PACRG: variants seen among roughly 807,000 people sequenced by gnomAD.
PACRG encodes the protein parkin coregulated gene protein.
A neutral mutation model predicts 29.7 loss-of-function variants in PACRG; 29 were observed. The ratio of observed to expected loss-of-function variants is 0.98; its 90% confidence interval spans 0.73 to 1.33. The LOEUF (loss-of-function observed/expected upper bound fraction) is 1.33. Among genes scored for constraint, PACRG ranks in the 40% most tolerant of loss-of-function variants. The pLI, the probability that PACRG is intolerant of heterozygous loss-of-function variation, is 0.00. For missense variants in PACRG, 279 were observed against 316.2 expected, an observed-to-expected ratio of 0.88 and a Z score of 0.89; for synonymous variants, 116 against 118.7, an observed-to-expected ratio of 0.98 and a Z score of 0.15.
At chr6:163,187,370 C>T (rs1219956167) in intron 4 of PACRG, among the ~76,000 whole-genome samples, 2 of 152,154 alleles carry the variant, frequency 1.3e-5, no homozygotes, top group African/African-American at 4.8e-5. Context: ...CTGTGAAAGG[C>T]TTCTGTGCTC....
chr6:162,811,293 T>C (rs918940935), intron 1 of PACRG, among the ~76,000 whole-genome samples: 1 of 151,984 alleles, frequency 6.6e-6, no homozygotes, highest in Non-Finnish European at 1.5e-5. Context: ...ATATCAGAAA[T>C]GAAGAATGGA....
intron 2 of PACRG, among the ~76,000 whole-genome samples, chr6:162,958,884 TAGAGAGAGAGAGAGAGAGAGAGAG>T (rs200270873): frequency 6.2e-3 from 132 of 21,162 alleles, no homozygotes; most frequent in African/African-American, 0.018. Context: ...TATATATATA[TAGAGAGAGAGAGAGAGAGAGAGAG>T]AGAGAGAGAG....
intron 2 of PACRG, among the ~76,000 whole-genome samples, chr6:162,845,250 C>G (rs899838268): frequency 1.3e-5 from 2 of 152,180 alleles, no homozygotes; most frequent in African/African-American, 2.4e-5. Context: ...CAAAACCCCA[C>G]TGACCCCATT....
intron 4 of PACRG, among the ~76,000 whole-genome samples, chr6:163,247,333 G>T (rs955609328): frequency 1.3e-5 from 2 of 152,134 alleles, no homozygotes; most frequent in Non-Finnish European, 2.9e-5. Context: ...CGCTCCTTAT[G>T]CTCCTTCTGT....
intron 2 of PACRG, among the ~76,000 whole-genome samples, chr6:162,893,145 C>A (rs1794912912): frequency 6.6e-6 from 1 of 152,150 alleles, no homozygotes; most frequent in African/African-American, 2.4e-5. Context: ...TGGTGTCTGT[C>A]TTCCTTGTGA....
chr6:163,044,231 C>T (rs1284985750), intron 2 of PACRG, among the ~76,000 whole-genome samples: 14 of 150,574 alleles, frequency 9.3e-5, no homozygotes, highest in African/African-American at 2.7e-4. Flanking sequence ...TGCAGTGGCA[C>T]GATCACGGTT....
chr6:163,194,485 A>G (rs1354135484), intron 4 of PACRG, among the ~76,000 whole-genome samples: 4 of 152,098 alleles, frequency 2.6e-5, no homozygotes, highest in Admixed American at 2.6e-4. Context: ...CGGCGCCTCC[A>G]GGCTGGTGGT....
At chr6:163,297,757 G>A (rs190596167) in intron 4 of PACRG, among the ~76,000 whole-genome samples, 25 of 152,216 alleles carry the variant, frequency 1.6e-4, no homozygotes, top group Admixed American at 3.3e-4. Flanking sequence ...AAACCTGAGC[G>A]CTGCACCCAG....
chr6:163,262,866 A>AC (rs113163742), intron 4 of PACRG, among the ~76,000 whole-genome samples: 3,376 of 116,480 alleles, frequency 0.029, 48 homozygotes, highest in Non-Finnish European at 0.039. Context: ...ACATAGTGAG[A>AC]CCCCCCCCCC....
chr6:163,166,650 A>C (rs1377397734), intron 4 of PACRG, among the ~76,000 whole-genome samples: 1 of 152,232 alleles, frequency 6.6e-6, no homozygotes, highest in Non-Finnish European at 1.5e-5. Flanking sequence ...AAATGTATTT[A>C]TTTCAGCCAT....
intron 4 of PACRG, among the ~76,000 whole-genome samples, chr6:163,246,953 A>G (rs1435221791): frequency 2.6e-5 from 4 of 152,248 alleles, no homozygotes; most frequent in Non-Finnish European, 5.9e-5. Flanking sequence ...GTCACACAGT[A>G]CAGGGCAATG....
intron 2 of PACRG, among the ~76,000 whole-genome samples, chr6:162,816,453 C>T (rs911012734): frequency 5.9e-5 from 9 of 152,178 alleles, no homozygotes; most frequent in Middle Eastern, 3.4e-3. Flanking sequence ...CCTGGGTTCA[C>T]GCCATTCTCC....
chr6:163,017,979 C>T (rs988682605), intron 2 of PACRG, among the ~76,000 whole-genome samples: 1 of 152,060 alleles, frequency 6.6e-6, no homozygotes, highest in African/African-American at 2.4e-5. Flanking sequence ...CATCCATTTA[C>T]TCCAGTCAAA....
chr6:163,080,177 C>T (rs929420348), intron 3 of PACRG, among the ~76,000 whole-genome samples: 1 of 152,078 alleles, frequency 6.6e-6, no homozygotes, highest in African/African-American at 2.4e-5. Flanking sequence ...GGATTACAGG[C>T]TTGAGCCACT....
intron 4 of PACRG, among the ~76,000 whole-genome samples, chr6:163,298,338 C>A (rs1336977826): frequency 2.6e-5 from 4 of 151,628 alleles, no homozygotes; most frequent in Non-Finnish European, 5.9e-5. Flanking sequence ...CTAACTAAAG[C>A]AACCTTAGAG....
chr6:162,832,813 CTTT>C (rs11310965), intron 2 of PACRG, among the ~76,000 whole-genome samples: 153 of 144,354 alleles, frequency 1.1e-3, no homozygotes, highest in African/African-American at 3.8e-3. Flanking sequence ...TAAAAGCAGT[CTTT>C]TTTTTTTTTT....
intron 3 of PACRG, among the ~76,000 whole-genome samples, chr6:163,065,158 G>A (rs1811425198): frequency 6.6e-6 from 1 of 152,096 alleles, no homozygotes; most frequent in Admixed American, 6.5e-5. Flanking sequence ...AACTACTGCT[G>A]CTCCCTTTTC....
At chr6:162,798,971 C>T (rs1041633) in intron 1 of PACRG, among the ~76,000 whole-genome samples, 33,963 of 152,010 alleles carry the variant, frequency 0.22, 5,084 homozygotes, top group African/African-American at 0.39. Context: ...AAGTAAATAA[C>T]GCTATGCAAA....
At chr6:163,088,514 A>G (rs1813802232) in intron 3 of PACRG, among the ~76,000 whole-genome samples, 1 of 152,112 alleles carries the variant, frequency 6.6e-6, no homozygotes, top group Non-Finnish European at 1.5e-5. Flanking sequence ...CAGCATCCTG[A>G]TTCCCGACCC....
Sources: allele counts gnomAD v4.1 joint callset (sites outside exome capture counted in the v4.1 genomes callset), GRCh38; gene constraint gnomAD v4.1.1; transcripts MANE v1.5; gene names NCBI Gene and HGNC (gene_info 2026-07-23, HGNC 2026-07-21).